The following POLR2G variants were observed in gnomAD, a reference collection of about 807,000 sequenced individuals.
POLR2G encodes the protein RNA polymerase II subunit G, also known as DNA-directed RNA polymerase II subunit RPB7.
POLR2G carries 19 observed loss-of-function variants against 25.7 expected under a neutral mutation model. The observed-to-expected ratio is 0.74, with a 90% CI of 0.52 to 1.08. The LOEUF is 1.08. POLR2G is among the 50% of genes least tolerant of loss of function. The pLI is 0.00. For synonymous variants in POLR2G, 79 were observed against 76.0 expected (o/e 1.04, Z -0.21); for missense variants, 123 against 218.5 (o/e 0.56, Z 2.76).
Position 62,766,651 on chromosome 11 carries a change from T to C in POLR2G, c.*144T>C. 1.5e-6 allele frequency: 1 copy of C among 680,990 alleles called. No individual in the cohort carries two copies. The highest frequency in any genetic ancestry group is 2.6e-5 in the East Asian group (1 of 37,828). The allele number at this position is 680,990 out of a possible 1,614,324, so 42.2% of individuals were successfully genotyped here. On this transcript the variant is annotated 3_prime_UTR_variant, in exon 8 of 8. Coordinates refer to ENST00000301788, the MANE Select transcript of POLR2G (RefSeq NM_002696.3). The stretch of plus-strand genomic sequence containing the variant: ...AAGGCATCTGGTGCTTCTTGTAGCT[T>C]AACTACTGCCTCCTCATTTTTCAGT...
rs1287985553 is a variant in POLR2G, at chr11:62,766,524, C to A, written c.*17C>A. 1.9e-6 allele frequency: 3 copies of A among 1,611,398 alleles called. No individual in the cohort carries two copies. The highest frequency in any genetic ancestry group is 2.5e-6 in the Non-Finnish European group (3 of 1,177,818). On this transcript the variant is annotated 3_prime_UTR_variant, in exon 8 of 8. Coordinates refer to ENST00000301788, the MANE Select transcript of POLR2G (RefSeq NM_002696.3). ...GTAAGCTGAGCCTGGTGGCCTCCTA[C>A]CCTTGGTCCTACTCTAGGAAGTGTG... is the stretch of plus-strand genomic sequence containing the variant.
intron 6 of POLR2G, 38 bp downstream of exon 6, chr11:62,765,762 G>C (rs1202677032): frequency 8.5e-7 from 1 of 1,182,310 alleles, no homozygotes; most frequent in Non-Finnish European, 1.3e-6. Context: ...ATACCAGGTT[G>C]AGCTGAGAAC....
chr11:62,766,255 T>C lies in POLR2G; in HGVS notation c.484T>C (p.Ser162Pro). 6.2e-7 allele frequency: 1 copy of C among 1,613,912 alleles called. No individual in the cohort carries two copies. Among genetic ancestry groups the C allele is most frequent in the Non-Finnish European group, 8.5e-7 (1 of 1,179,864 alleles). ...VDKNDIFAIG[S>P]LMDDYLGLVS ...ATCTTTCTTGCAGTTTGCTATTGGC[T>C]CCCTGATGGACGATTACTTGGGTGA... Residue 162 changes from serine to proline, a missense_variant, in exon 7 of 8, where the codon TCC becomes CCC. Transcript: ENST00000301788.
chr11:62,764,532 C>T (rs2084105151), intron 3 of POLR2G, among the ~76,000 whole-genome samples: 1 of 152,038 alleles, frequency 6.6e-6, no homozygotes, highest in Admixed American at 6.6e-5. Context: ...CGCTGGCTCA[C>T]ACCTATAATC....
chr11:62,766,141 C>A, intron 6 of POLR2G, 102 bp from the exon 7 acceptor site: 1 of 1,010,030 alleles, frequency 9.9e-7, no homozygotes, highest in Non-Finnish European at 1.6e-6. Flanking sequence ...TGCTCTTCTG[C>A]CAGGAAGAAG....
chr11:62,763,747 T>G (rs569806235), intron 3 of POLR2G, among the ~76,000 whole-genome samples: 2 of 135,306 alleles, frequency 1.5e-5, no homozygotes, highest in Non-Finnish European at 3.2e-5. Context: ...AAAAGGTGGG[T>G]TTTTTTTTTT....
At chr11:62,764,530 C>T (rs2134856909) in intron 3 of POLR2G, among the ~76,000 whole-genome samples, 1 of 152,136 alleles carries the variant, frequency 6.6e-6, no homozygotes, top group East Asian at 1.9e-4. Context: ...TGCGCTGGCT[C>T]ACACCTATAA....
intron 3 of POLR2G, among the ~76,000 whole-genome samples, chr11:62,764,915 A>G (rs756122604): frequency 6.6e-6 from 1 of 151,898 alleles, no homozygotes; most frequent in South Asian, 2.1e-4. Flanking sequence ...CTGAAGTGCA[A>G]TGGTGCAATC....
rs111986375 is a variant in POLR2G at position 62,761,776 on chromosome 11, A to G, written c.13-19A>G. 6.2e-7 allele frequency: 1 copy of G among 1,612,486 alleles called. No individual in the cohort carries two copies. Among genetic ancestry groups the G allele is most frequent in the Admixed American group, 1.7e-5 (1 of 60,008 alleles). ...CCTGCCAGCGCCTGGCCTGGTCGCC[A>G]TCCCACTTTTCTCCGCAGATCTCCC... is the stretch of plus-strand genomic sequence containing the variant. On this transcript the variant is annotated intron_variant, in intron 1 of 7. Coordinates refer to ENST00000301788, the MANE Select transcript of POLR2G (RefSeq NM_002696.3).
intron 3 of POLR2G, among the ~76,000 whole-genome samples, chr11:62,763,317 C>T (rs1395037324): frequency 2.8e-4 from 39 of 140,554 alleles, no homozygotes; most frequent in East Asian, 8.6e-4. Flanking sequence ...TTTTTTGAGA[C>T]GGAGTCTCGC....
chr11:62,761,968 A>AC (rs2084091298), intron 2 of POLR2G, 64 bp downstream of exon 2: 2 of 1,169,188 alleles, frequency 1.7e-6, no homozygotes, highest in Non-Finnish European at 2.5e-6. Flanking sequence ...TATACCTGCA[A>AC]CCCCTCCCCA....
At chr11:62,765,090 C>T (rs896068284) in intron 3 of POLR2G, 92 bp from the exon 4 acceptor site, 2 of 1,059,720 alleles carry the variant, frequency 1.9e-6, no homozygotes, top group Non-Finnish European at 1.5e-6. Flanking sequence ...AACTCCTGAC[C>T]TCGTGATCCA....
chr11:62,764,564 G>A (rs1165631144), intron 3 of POLR2G, among the ~76,000 whole-genome samples: 2 of 152,150 alleles, frequency 1.3e-5, no homozygotes, highest in Non-Finnish European at 2.9e-5. Flanking sequence ...GGGGGCAGAA[G>A]TGGGAAGATT....
At chr11:62,761,741 C>T in intron 1 of POLR2G, 54 bp from the exon 2 acceptor site, 4 of 1,605,258 alleles carry the variant, frequency 2.5e-6, no homozygotes, top group South Asian at 1.1e-5. Flanking sequence ...CTCCCCTTGT[C>T]GTCCAATAAC....
At position 62,761,589 on chromosome 11, in the gene POLR2G, C is replaced by A; in HGVS notation, c.-60C>A. Reference sequence around the variant, plus strand: ...TGGGGTTGCGGCGTCTAAGTGTTTCCGGTGGATTCCCAGGGACTGTCGGAG... The same window carrying A: ...TGGGGTTGCGGCGTCTAAGTGTTTCAGGTGGATTCCCAGGGACTGTCGGAG... On this transcript the variant is annotated 5_prime_UTR_variant, in exon 1 of 8. Coordinates refer to ENST00000301788, the MANE Select transcript of POLR2G (RefSeq NM_002696.3). 1 of 1,536,882 alleles carries A rather than the reference C, an allele frequency of 6.5e-7. No homozygotes were observed. The highest frequency in any genetic ancestry group is 1.2e-5 in the South Asian group (1 of 83,376).
chr11:62,763,129 CTTT>C (rs149301237), intron 3 of POLR2G, 103 bp downstream of exon 3: 1,740 of 273,246 alleles, frequency 6.4e-3, no homozygotes, highest in South Asian at 0.012. Context: ...AGTCACTTCA[CTTT>C]TTTTTTTTTT....
chr11:62,764,685 A>G (rs2084105972), intron 3 of POLR2G, among the ~76,000 whole-genome samples: 1 of 151,590 alleles, frequency 6.6e-6, no homozygotes, highest in Non-Finnish European at 1.5e-5. Context: ...GGTTTCAGCA[A>G]CTTGGGAGGC....
intron 3 of POLR2G, among the ~76,000 whole-genome samples, chr11:62,763,958 T>G (rs1262662423): frequency 6.6e-6 from 1 of 150,690 alleles, no homozygotes; most frequent in East Asian, 2.1e-4. Context: ...GTCAGGCTGG[T>G]CTCGAACTCC....
chr11:62,763,138 T>C (rs1250672570), intron 3 of POLR2G, 112 bp downstream of exon 3: 14,095 of 542,572 alleles, frequency 0.026, 12 homozygotes, highest in Middle Eastern at 0.034. Flanking sequence ...ACTTTTTTTT[T>C]TTTTTTTTTT....
Sources: allele counts gnomAD v4.1 joint callset (sites outside exome capture counted in the v4.1 genomes callset), GRCh38; gene constraint gnomAD v4.1.1; transcripts MANE v1.5; gene names NCBI Gene and HGNC (gene_info 2026-07-23, HGNC 2026-07-21).